SLC36A3: variants seen among roughly 807,000 people sequenced by gnomAD.
The protein encoded by SLC36A3 is solute carrier family 36 member 3, also known as proton-coupled amino acid transporter 3.
A neutral mutation model predicts 44.3 loss-of-function variants in SLC36A3; 35 were observed. That is an observed-to-expected ratio of 0.79 (90% CI 0.60 to 1.05). The LOEUF (loss-of-function observed/expected upper bound fraction) is 1.05, where lower values mean the gene tolerates loss of function less well. Among genes scored for constraint, SLC36A3 ranks in the 50% least tolerant of loss-of-function variants. The pLI is 0.00. For missense variants in SLC36A3, 540 were observed against 578.7 expected (o/e 0.93, Z 0.69); for synonymous variants, 211 against 227.6 (o/e 0.93, Z 0.66).
chr5:151,284,756 A>C (rs1366664447), intron 6 of SLC36A3, 45 bp from the exon 7 acceptor site: 3 of 1,482,512 alleles, frequency 2.0e-6, no homozygotes, highest in Non-Finnish European at 2.8e-6. Context: ...TATGGTGTCG[A>C]AGTCATCCCA....
At chr5:151,289,928 C>A (rs1754693243) in intron 4 of SLC36A3, among the ~76,000 whole-genome samples, 2 of 152,136 alleles carry the variant, frequency 1.3e-5, no homozygotes, top group Non-Finnish European at 2.9e-5. Context: ...GTTCCTCAAA[C>A]CAATGGTTTT....
In SLC36A3 at chr5:151,277,650, T is replaced by C; in HGVS notation, c.1156A>G (p.Ile386Val). Residue 386 changes from isoleucine (I) to valine (V), a missense_variant, in exon 10 of 10, where the codon ATC becomes GTC. Transcript: ENST00000335230. ...ALVCLTCVSA[I>V]LIPRLDLVIS... ...ACCAAGTCCAGGCGGGGGATGAGGA[T>C]GGCTGAGACACCTGCAATGAAAGGA... 1 of 1,613,954 alleles carries C rather than the reference T, an allele frequency of 6.2e-7. No individual in the cohort carries two copies. Among genetic ancestry groups the C allele is most frequent in the Non-Finnish European group, 8.5e-7 (1 of 1,179,918 alleles).
chr5:151,295,279 T>C (rs1754920743), intron 3 of SLC36A3, among the ~76,000 whole-genome samples: 1 of 152,144 alleles, frequency 6.6e-6, no homozygotes, highest in African/African-American at 2.4e-5. Context: ...ATCTGTAAAA[T>C]GGGAATAAAA....
intron 9 of SLC36A3, among the ~76,000 whole-genome samples, chr5:151,278,969 C>G (rs1754207081): frequency 6.6e-6 from 1 of 152,230 alleles, no homozygotes; most frequent in South Asian, 2.1e-4. Flanking sequence ...TTCCATGGCT[C>G]TGCATGGCCC....
rs1754460734 is a variant in SLC36A3, at chr5:151,284,608, C to T, written c.807+5G>A. ...GACCATTCGCGTGAACCCCATCAAT[C>T]TTACCATACCGACGCCTTCAAATGT... On this transcript the variant is annotated splice_donor_5th_base_variant and intron_variant, in intron 7 of 9. Coordinates refer to ENST00000335230, the MANE Select transcript of SLC36A3 (RefSeq NM_181774.4). 1 of 1,607,266 alleles carries T rather than the reference C, an allele frequency of 6.2e-7. No individual in the cohort carries two copies. The highest frequency in any genetic ancestry group is 8.5e-7 in the Non-Finnish European group (1 of 1,175,894).
rs1178345560 is a variant in SLC36A3, at chr5:151,299,390, TA to T, written c.129-708del. ...GCATGGTGATATATATATATATATA[TA>T]TATTATATATATATGAATTGCTATA... On this transcript the variant is annotated intron_variant, in intron 1 of 9. Transcript: ENST00000335230. Among the ~76,000 whole-genome samples the T allele has an allele frequency of 3.0e-5, 4 of 134,322 alleles. No individual in the cohort carries two copies. The Admixed American group carries it at 3.0e-4, about 10-fold the overall frequency. The allele number at this position is 134,322 out of a possible 152,430, so 88.1% of individuals were successfully genotyped here. A position where few individuals can be genotyped will look rare whatever the true frequency, so the allele number is the denominator to read the frequency against.
chr5:151,293,515 T>A, intron 3 of SLC36A3, 56 bp from the exon 4 acceptor site: 1 of 1,430,172 alleles, frequency 7.0e-7, no homozygotes, highest in Non-Finnish European at 9.6e-7. Flanking sequence ...AAAGGTACAG[T>A]TTTCTCCCAA....
chr5:151,280,652 G>A (rs1167576271), intron 9 of SLC36A3, among the ~76,000 whole-genome samples: 1 of 152,176 alleles, frequency 6.6e-6, no homozygotes, highest in African/African-American at 2.4e-5. Flanking sequence ...TGACTCAGGT[G>A]TGTTACTTAA....
chr5:151,290,961 A>G (rs934913564), intron 4 of SLC36A3, among the ~76,000 whole-genome samples: 7 of 151,846 alleles, frequency 4.6e-5, no homozygotes, highest in African/African-American at 9.7e-5. Context: ...TACCATCATC[A>G]TGTCTTACAA....
Position 151,276,996 on chromosome 5 carries a change from C to T in SLC36A3, c.*397G>A, listed in dbSNP as rs190027676. On this transcript the variant is annotated 3_prime_UTR_variant, in exon 10 of 10. Coordinates refer to ENST00000335230, the MANE Select transcript of SLC36A3 (RefSeq NM_181774.4). ...ACTTAGAATATCTAAATAGAAAACT[C>T]CCTTCGCCCAACATACACTTTTCTA... 486 of 190,452 alleles carry T rather than the reference C, an allele frequency of 2.6e-3. 4 individuals carry two copies. The highest frequency in any genetic ancestry group is 0.011 in the African/African-American group (465 of 42,630). The allele number at this position is 190,452 out of a possible 1,614,324, so 11.8% of individuals were successfully genotyped here.
chr5:151,292,393 C>T (rs1482814594), intron 4 of SLC36A3, among the ~76,000 whole-genome samples: 2 of 152,130 alleles, frequency 1.3e-5, no homozygotes, highest in Admixed American at 6.5e-5. Context: ...AGGGACTTTG[C>T]TGGGGAAGGC....
At chr5:151,299,785 A>T (rs1342389768) in intron 1 of SLC36A3, among the ~76,000 whole-genome samples, 1 of 152,148 alleles carries the variant, frequency 6.6e-6, no homozygotes, top group Non-Finnish European at 1.5e-5. Flanking sequence ...AAAGGGAGAA[A>T]ATTCTAGTTT....
intron 6 of SLC36A3, among the ~76,000 whole-genome samples, chr5:151,286,559 T>C (rs1358563195): frequency 6.6e-6 from 1 of 152,232 alleles, no homozygotes; most frequent in Non-Finnish European, 1.5e-5. Context: ...CCTCAAGTGC[T>C]GGGATTACAG....
At chr5:151,286,352 G>T (rs1754534950) in intron 6 of SLC36A3, among the ~76,000 whole-genome samples, 1 of 152,168 alleles carries the variant, frequency 6.6e-6, no homozygotes, top group Non-Finnish European at 1.5e-5. Context: ...GAATGCAGTG[G>T]TGTGATCATA....
At chr5:151,289,865 C>T (rs148744534) in intron 4 of SLC36A3, among the ~76,000 whole-genome samples, 2 of 152,294 alleles carry the variant, frequency 1.3e-5, no homozygotes, top group East Asian at 3.9e-4. Flanking sequence ...TGGAAATGTA[C>T]ATTTTCCCTT....
At chr5:151,282,053 T>C (rs2127254889) in intron 8 of SLC36A3, among the ~76,000 whole-genome samples, 1 of 151,406 alleles carries the variant, frequency 6.6e-6, no homozygotes, top group African/African-American at 2.4e-5. Context: ...CATACACATA[T>C]GCACATACAC....
chr5:151,299,264 C>CTCTCTCTATATATATA (rs1372309288), intron 1 of SLC36A3, among the ~76,000 whole-genome samples: 37 of 59,632 alleles, frequency 6.2e-4, no homozygotes, highest in East Asian at 3.6e-3. Context: ...CTCTCTCTCT[C>CTCTCTCTATATATATA]TATATATATA....
At chr5:151,292,128 T>G (rs1378728559) in intron 4 of SLC36A3, among the ~76,000 whole-genome samples, 3 of 152,206 alleles carry the variant, frequency 2.0e-5, no homozygotes, top group African/African-American at 7.2e-5. Context: ...CCCAAAGTGC[T>G]GGGATTACAG....
chr5:151,281,690 C>A (rs188916392), intron 8 of SLC36A3, among the ~76,000 whole-genome samples: 1 of 152,202 alleles, frequency 6.6e-6, no homozygotes, highest in African/African-American at 2.4e-5. Context: ...TGGTGGCATG[C>A]ACCTGTAGTC....
Sources: allele counts gnomAD v4.1 joint callset (sites outside exome capture counted in the v4.1 genomes callset), GRCh38; gene constraint gnomAD v4.1.1; transcripts MANE v1.5; gene names NCBI Gene and HGNC (gene_info 2026-07-23, HGNC 2026-07-21).